Variants in GRK4 observed in about 807,000 individuals in gnomAD.
GRK4 encodes the protein G protein-coupled receptor kinase 4, also known as G protein-coupled receptor kinase 2-like.
In GRK4, 73 loss-of-function variants were observed where a neutral mutation model predicts 77.9. The observed-to-expected ratio is 0.94, with a 90% CI of 0.78 to 1.14. The LOEUF (loss-of-function observed/expected upper bound fraction) is 1.14. GRK4 is among the 50% of genes most tolerant of loss of function. GRK4 has a pLI of 0.00. For synonymous variants in GRK4, 257 were observed against 254.4 expected (o/e 1.01, Z -0.10); for missense variants, 729 against 700.2 (o/e 1.04, Z -0.46).
intron 1 of GRK4, among the ~76,000 whole-genome samples, chr4:2,978,129 A>T (rs547430812): frequency 6.6e-6 from 1 of 152,242 alleles, no homozygotes; most frequent in South Asian, 2.1e-4. Flanking sequence ...AATTCCTAAA[A>T]GTCAGTTGCT....
At chr4:3,032,870 A>G (rs1228857967) in intron 12 of GRK4, among the ~76,000 whole-genome samples, 2 of 152,262 alleles carry the variant, frequency 1.3e-5, no homozygotes, top group African/African-American at 2.4e-5. Flanking sequence ...AACTGCTGGC[A>G]GCTGGACCTG....
chr4:2,998,378 G>A (rs368869510), intron 4 of GRK4, among the ~76,000 whole-genome samples: 1 of 151,900 alleles, frequency 6.6e-6, no homozygotes, highest in Non-Finnish European at 1.5e-5. Flanking sequence ...AAAAGAAAAG[G>A]TATTTAGATT....
intron 1 of GRK4, among the ~76,000 whole-genome samples, chr4:2,972,759 G>A (rs1162164950): frequency 6.6e-6 from 1 of 151,998 alleles, no homozygotes; most frequent in African/African-American, 2.4e-5. Context: ...TTTTGAGACA[G>A]GGTCTCACTC....
In GRK4 at chr4:2,963,775, C is replaced by T. The variant is rs1031210892; in HGVS notation, c.-296C>T. The stretch of plus-strand genomic sequence containing the variant: ...CGCGCGCGAGGCGAGGGCGATGGGG[C>T]CAAGAAGAACCGGGGCGATAGCGCG... On this transcript the variant is annotated 5_prime_UTR_variant, in exon 1 of 16. Coordinates refer to ENST00000398052, the MANE Select transcript of GRK4 (RefSeq NM_182982.3). The T allele has an allele frequency of 6.0e-6, 3 of 497,310 alleles. No individual in the cohort carries two copies. The African/African-American group carries it at 6.2e-5, about 10-fold the overall frequency. 30.8% of individuals were successfully genotyped at this position (497,310 alleles called of 1,614,324 possible).
intron 7 of GRK4, among the ~76,000 whole-genome samples, chr4:3,010,795 G>C (rs1252152372): frequency 6.6e-6 from 1 of 152,112 alleles, no homozygotes; most frequent in African/African-American, 2.4e-5. Flanking sequence ...CAATTCAAAG[G>C]AAAAGCCACT....
At chr4:3,023,099 T>C (rs1736527634) in intron 10 of GRK4, among the ~76,000 whole-genome samples, 1 of 152,218 alleles carries the variant, frequency 6.6e-6, no homozygotes, top group East Asian at 1.9e-4. Context: ...CTCTAAACTT[T>C]GTCATGTTGC....
intron 1 of GRK4, among the ~76,000 whole-genome samples, chr4:2,979,403 CAAAAAAAAAAAAA>C (rs144374548): frequency 1.7e-5 from 1 of 59,194 alleles, no homozygotes; most frequent in Non-Finnish European, 3.1e-5. Flanking sequence ...GACTCTGTCT[CAAAAAAAAAAAAA>C]AAAAAAAAAA....
At chr4:2,983,257 C>G (rs1723342474) in intron 1 of GRK4, among the ~76,000 whole-genome samples, 1 of 152,216 alleles carries the variant, frequency 6.6e-6, no homozygotes, top group African/African-American at 2.4e-5. Context: ...AGACAGAGCT[C>G]ATCGTGTTCC....
intron 8 of GRK4, among the ~76,000 whole-genome samples, chr4:3,014,184 T>G (rs934335641): frequency 2.0e-5 from 3 of 152,054 alleles, no homozygotes; most frequent in Non-Finnish European, 2.9e-5. Flanking sequence ...CTTTCCCTTA[T>G]CACAGCCAGC....
chr4:2,964,835 T>G (rs1190622332), intron 1 of GRK4, among the ~76,000 whole-genome samples: 2 of 152,208 alleles, frequency 1.3e-5, no homozygotes, highest in Non-Finnish European at 2.9e-5. Flanking sequence ...AGTTTTCTTT[T>G]GCTTAGCAAG....
chr4:2,991,538 T>A (rs1726178013), intron 3 of GRK4, among the ~76,000 whole-genome samples: 1 of 152,166 alleles, frequency 6.6e-6, no homozygotes. Flanking sequence ...TGAGGCTGAG[T>A]CTTGCTCTGT....
At chr4:2,983,866 G>C (rs1418197882) in intron 1 of GRK4, among the ~76,000 whole-genome samples, 1 of 152,088 alleles carries the variant, frequency 6.6e-6, no homozygotes, top group Non-Finnish European at 1.5e-5. Context: ...AAAAGCGAAG[G>C]GGAAGCAAGG....
chr4:2,968,843 C>G (rs907443647), intron 1 of GRK4, among the ~76,000 whole-genome samples: 1 of 152,024 alleles, frequency 6.6e-6, no homozygotes, highest in Non-Finnish European at 1.5e-5. Flanking sequence ...GAGCAGGTAT[C>G]TTTTTATTTT....
chr4:3,004,674 C>T (rs1270197839), intron 5 of GRK4, among the ~76,000 whole-genome samples: 2 of 151,798 alleles, frequency 1.3e-5, no homozygotes, highest in African/African-American at 2.4e-5. Context: ...CTAAGAAAAT[C>T]ATAAGGAAGA....
intron 1 of GRK4, among the ~76,000 whole-genome samples, chr4:2,972,122 G>C (rs1719740123): frequency 1.3e-5 from 2 of 152,108 alleles, no homozygotes; most frequent in African/African-American, 4.8e-5. Flanking sequence ...GGGGATCCTT[G>C]GGCCTTCAAA....
Position 3,040,687 on chromosome 4 carries a change from C to A in GRK4, c.*62C>A. The A allele has an allele frequency of 7.2e-7, 1 of 1,379,790 alleles. No individual in the cohort carries two copies. The highest frequency in any genetic ancestry group is 1.0e-6 in the Non-Finnish European group (1 of 980,654). The allele number at this position is 1,379,790 out of a possible 1,614,324, so 85.5% of individuals were successfully genotyped here. On this transcript the variant is annotated 3_prime_UTR_variant, in exon 16 of 16. Transcript: ENST00000398052. Reference sequence around the variant, plus strand: ...CAGGAAGGAGCATGTGTTAGCGTCTCGTCCCACCTGGAATTGTAATAAATA... The same window carrying A: ...CAGGAAGGAGCATGTGTTAGCGTCTAGTCCCACCTGGAATTGTAATAAATA...
intron 1 of GRK4, 110 bp from the exon 2 acceptor site, chr4:2,984,403 G>A (rs1723667816): frequency 3.1e-5 from 17 of 550,254 alleles, no homozygotes; most frequent in Middle Eastern, 6.4e-4. Flanking sequence ...ATTCATGATA[G>A]GTACCCAAAC....
chr4:2,968,954 G>C (rs1718606603), intron 1 of GRK4, among the ~76,000 whole-genome samples: 1 of 152,176 alleles, frequency 6.6e-6, no homozygotes, highest in African/African-American at 2.4e-5. Context: ...CCGTGGCTAA[G>C]GGGGAACCAG....
intron 2 of GRK4, among the ~76,000 whole-genome samples, chr4:2,985,366 A>G (rs866087914): frequency 6.8e-6 from 1 of 147,954 alleles, no homozygotes; most frequent in Non-Finnish European, 1.5e-5. Context: ...ACACCACTGC[A>G]CTCCAGCCTG....
Sources: gnomAD v4.1 joint callset for allele counts (sites outside exome capture counted in the v4.1 genomes callset) on GRCh38, gnomAD v4.1.1 for gene constraint, MANE v1.5 for transcripts, NCBI Gene and HGNC (gene_info 2026-07-23, HGNC 2026-07-21) for gene names.